The following ZFTRAF1 variants were observed in gnomAD, a reference collection of about 807,000 sequenced individuals.
ZFTRAF1 encodes the protein zinc finger TRAF-type and ring finger containing 1, also known as zinc finger TRAF-type-containing protein 1.
At chr8:144,460,749 G>A in the ZFTRAF1 span, among the ~76,000 whole-genome samples, 1 of 152,222 alleles carries the variant, frequency 6.6e-6, no homozygotes, top group Admixed American at 6.5e-5. Context: ...CGGGCATGGT[G>A]GCAGGCGCCT....
the ZFTRAF1 span, among the ~76,000 whole-genome samples, chr8:144,460,755 C>T: frequency 2.0e-5 from 3 of 152,142 alleles, no homozygotes; most frequent in Admixed American, 6.5e-5. Context: ...TGGTGGCAGG[C>T]GCCTGTAATC....
chr8:144,462,300 T>G, the ZFTRAF1 span: 1 of 596,916 alleles, frequency 1.7e-6, no homozygotes, highest in South Asian at 1.7e-5. Flanking sequence ...ACGGAGGCCT[T>G]GGGCAGGTCC....
the ZFTRAF1 span, chr8:144,452,062 A>C: frequency 1.8e-5 from 8 of 456,234 alleles, no homozygotes; most frequent in Admixed American, 3.4e-5. Flanking sequence ...CTGGAGCCCC[A>C]CAGTGAGATG....
the ZFTRAF1 span, chr8:144,451,901 G>A: frequency 8.1e-6 from 2 of 245,768 alleles, no homozygotes; most frequent in Non-Finnish European, 1.6e-5. Context: ...CCAGCCTTGA[G>A]AGGCCCATGG....
At chr8:144,456,472 G>A in the ZFTRAF1 span, 1 of 152,538 alleles carries the variant, frequency 6.6e-6, no homozygotes, top group Non-Finnish European at 1.5e-5. Context: ...CACAGTCCAG[G>A]GGATGGCGTG....
the ZFTRAF1 span, chr8:144,452,211 G>T: frequency 1.1e-6 from 1 of 892,356 alleles, no homozygotes; most frequent in Non-Finnish European, 1.8e-6. Context: ...CGACCGAGGT[G>T]TCCACCTGTC....
chr8:144,461,816 G>A, the ZFTRAF1 span, among the ~76,000 whole-genome samples: 9 of 152,250 alleles, frequency 5.9e-5, no homozygotes, highest in South Asian at 4.1e-4. Context: ...GGAGTGGAGG[G>A]ACAAACTCGG....
chr8:144,459,987 CA>C, the ZFTRAF1 span, among the ~76,000 whole-genome samples: 1 of 152,204 alleles, frequency 6.6e-6, no homozygotes, highest in Non-Finnish European at 1.5e-5. Context: ...AGCATGGGCC[CA>C]ACCAGGGACA....
At chr8:144,460,809 G>A in the ZFTRAF1 span, among the ~76,000 whole-genome samples, 5 of 152,300 alleles carry the variant, frequency 3.3e-5, no homozygotes, top group Non-Finnish European at 5.9e-5. Flanking sequence ...GCTTGAACTC[G>A]GGAGGCGGAG....
chr8:144,459,227 A>G, the ZFTRAF1 span, among the ~76,000 whole-genome samples: 1 of 152,240 alleles, frequency 6.6e-6, no homozygotes, highest in Non-Finnish European at 1.5e-5. Context: ...GCCGCAGAGC[A>G]GGGAGCCGGC....
the ZFTRAF1 span, chr8:144,457,727 G>C: frequency 6.6e-6 from 1 of 152,288 alleles, no homozygotes; most frequent in Non-Finnish European, 1.5e-5. Context: ...CTGGCTGAGG[G>C]CCCCCACGAT....
chr8:144,461,490 G>A, the ZFTRAF1 span, among the ~76,000 whole-genome samples: 18 of 152,314 alleles, frequency 1.2e-4, no homozygotes, highest in African/African-American at 3.1e-4. Context: ...TAAGGGCTGA[G>A]TCCCACTGCC....
chr8:144,460,341 C>G, the ZFTRAF1 span, among the ~76,000 whole-genome samples: 4 of 152,246 alleles, frequency 2.6e-5, no homozygotes, highest in Admixed American at 6.5e-5. Flanking sequence ...CAGTGCAGGC[C>G]GGTTTGAACC....
chr8:144,461,999 G>A, the ZFTRAF1 span, among the ~76,000 whole-genome samples: 5 of 152,154 alleles, frequency 3.3e-5, no homozygotes, highest in African/African-American at 9.7e-5. Context: ...AAAGAAGGGA[G>A]AGGTAAGCGG....
chr8:144,451,552 G>A, the ZFTRAF1 span: 1 of 154,128 alleles, frequency 6.5e-6, no homozygotes, highest in Non-Finnish European at 1.4e-5. Context: ...GCACAGTCCA[G>A]GCAGCAGGGC....
chr8:144,462,190 G>C, the ZFTRAF1 span: 1 of 441,180 alleles, frequency 2.3e-6, no homozygotes, highest in East Asian at 4.3e-5. Flanking sequence ...GGGCCCCGCA[G>C]GCCTGGCCTC....
chr8:144,461,230 C>T, the ZFTRAF1 span, among the ~76,000 whole-genome samples: 1,850 of 152,326 alleles, frequency 0.012, 46 homozygotes, highest in African/African-American at 0.043. Context: ...ATCCAGGCCC[C>T]CAATTCAAAC....
chr8:144,451,925 T>C, the ZFTRAF1 span: 1 of 265,940 alleles, frequency 3.8e-6, no homozygotes, highest in African/African-American at 2.2e-5. Flanking sequence ...GGGCAGTGAC[T>C]GCCTGCAGGT....
chr8:144,453,568 G>A, the ZFTRAF1 span: 2 of 980,218 alleles, frequency 2.0e-6, no homozygotes, highest in South Asian at 1.6e-5. Flanking sequence ...GACTCCAGCT[G>A]GTGCAGAGGG....
Sources: allele counts gnomAD v4.1 joint callset (sites outside exome capture counted in the v4.1 genomes callset), GRCh38; gene constraint gnomAD v4.1.1; transcripts MANE v1.5; gene names NCBI Gene and HGNC (gene_info 2026-07-23, HGNC 2026-07-21).